KCNMB2: variants seen among roughly 807,000 people sequenced by gnomAD.
KCNMB2 encodes the protein calcium-activated potassium channel subunit beta-2.
In KCNMB2, 9 loss-of-function variants were observed where a neutral mutation model predicts 24.5. That is an observed-to-expected ratio of 0.37 (90% CI 0.22 to 0.64). KCNMB2 has a LOEUF of 0.64. KCNMB2 is among the 30% of genes least tolerant of loss of function. KCNMB2 has a pLI of 0.63. For synonymous variants in KCNMB2, 109 were observed against 104.4 expected (o/e 1.04, Z -0.27); for missense variants, 226 against 284.3 (o/e 0.79, Z 1.47).
chr3:178,735,027 G>A (rs1723272127), intron 1 of KCNMB2, among the ~76,000 whole-genome samples: 1 of 152,202 alleles, frequency 6.6e-6, no homozygotes, highest in African/African-American at 2.4e-5. Context: ...ATAAGACTAG[G>A]GAGTCAGATT....
At chr3:178,837,973 A>G (rs1320740119) in intron 4 of KCNMB2, among the ~76,000 whole-genome samples, 1 of 152,210 alleles carries the variant, frequency 6.6e-6, no homozygotes, top group East Asian at 1.9e-4. Flanking sequence ...TCATTTCAAT[A>G]ACTTAGCACT....
At chr3:178,645,688 A>G (rs779904508) in intron 1 of KCNMB2, among the ~76,000 whole-genome samples, 19 of 152,178 alleles carry the variant, frequency 1.2e-4, no homozygotes, top group Middle Eastern at 3.4e-3. Flanking sequence ...CTGCCAACCC[A>G]GCCACAGAGC....
At chr3:178,626,148 G>A (rs1355371153) in intron 1 of KCNMB2, among the ~76,000 whole-genome samples, 4 of 152,154 alleles carry the variant, frequency 2.6e-5, no homozygotes, top group Non-Finnish European at 1.5e-5. Context: ...TCTATCGTTG[G>A]CATTGCTCCC....
intron 2 of KCNMB2, among the ~76,000 whole-genome samples, chr3:178,823,684 CA>C (rs1714722002): frequency 6.6e-6 from 1 of 152,118 alleles, no homozygotes; most frequent in South Asian, 2.1e-4. Context: ...CCAATCAGAA[CA>C]GATACTGGCC....
chr3:178,712,894 C>T (rs1173215515), intron 1 of KCNMB2, among the ~76,000 whole-genome samples: 1 of 152,150 alleles, frequency 6.6e-6, no homozygotes, highest in Non-Finnish European at 1.5e-5. Flanking sequence ...AGGTATTACA[C>T]ATCACCATTT....
chr3:178,593,269 C>T (rs1415665347), intron 1 of KCNMB2, among the ~76,000 whole-genome samples: 69 of 151,838 alleles, frequency 4.5e-4, no homozygotes, highest in Non-Finnish European at 5.9e-5. Context: ...GAAAATGATA[C>T]CAGAAATGAA....
intron 1 of KCNMB2, among the ~76,000 whole-genome samples, chr3:178,692,625 C>T (rs959460221): frequency 7.2e-5 from 11 of 152,134 alleles, no homozygotes; most frequent in African/African-American, 2.4e-4. Flanking sequence ...GTGTCAGTAC[C>T]ATGCTGTTTT....
At chr3:178,775,475 T>C (rs1712543216) in intron 1 of KCNMB2, among the ~76,000 whole-genome samples, 1 of 152,216 alleles carries the variant, frequency 6.6e-6, no homozygotes, top group Non-Finnish European at 1.5e-5. Context: ...CTAGATAAAA[T>C]CGAATTTTAA....
chr3:178,755,280 CAT>C (rs1723992806), intron 1 of KCNMB2, among the ~76,000 whole-genome samples: 1 of 152,194 alleles, frequency 6.6e-6, no homozygotes, highest in Non-Finnish European at 1.5e-5. Context: ...TGAGAAAAAT[CAT>C]AGTGAGAACT....
At chr3:178,552,230 A>AT (rs1715980046) in intron 1 of KCNMB2, among the ~76,000 whole-genome samples, 4 of 152,098 alleles carry the variant, frequency 2.6e-5, no homozygotes, top group African/African-American at 7.2e-5. Context: ...ATGTAACAGC[A>AT]CTCCCACCAC....
chr3:178,608,234 C>T (rs1051512471), intron 1 of KCNMB2, among the ~76,000 whole-genome samples: 2 of 152,156 alleles, frequency 1.3e-5, no homozygotes, highest in Non-Finnish European at 2.9e-5. Flanking sequence ...AACAAGGATG[C>T]AAGAGCATTT....
At chr3:178,751,622 A>G (rs1249124475) in intron 1 of KCNMB2, among the ~76,000 whole-genome samples, 2 of 147,416 alleles carry the variant, frequency 1.4e-5, no homozygotes, top group African/African-American at 5.0e-5. Flanking sequence ...ACAAGACACT[A>G]CTGAGTAGAT....
At chr3:178,758,449 C>A in intron 1 of KCNMB2, among the ~76,000 whole-genome samples, 1 of 59,194 alleles carries the variant, frequency 1.7e-5, no homozygotes, top group Non-Finnish European at 3.1e-5. Context: ...TATACACACA[C>A]AAGAGGTGAT....
At chr3:178,678,231 A>G (rs1475382156) in intron 1 of KCNMB2, among the ~76,000 whole-genome samples, 1 of 152,160 alleles carries the variant, frequency 6.6e-6, no homozygotes, top group Non-Finnish European at 1.5e-5. Context: ...AGAGGAAAAA[A>G]CAAAAATGGA....
chr3:178,579,711 T>C (rs1460989727), intron 1 of KCNMB2, among the ~76,000 whole-genome samples: 1 of 152,102 alleles, frequency 6.6e-6, no homozygotes, highest in African/African-American at 2.4e-5. Context: ...ACCATAGAAA[T>C]ACAAACTACC....
intron 1 of KCNMB2, among the ~76,000 whole-genome samples, chr3:178,681,244 T>C (rs1364897741): frequency 2.1e-5 from 3 of 141,466 alleles, no homozygotes; most frequent in South Asian, 4.7e-4. Flanking sequence ...AACCTGGAGC[T>C]GCAGTTTTCT....
intron 1 of KCNMB2, among the ~76,000 whole-genome samples, chr3:178,679,145 G>A (rs1721180204): frequency 6.6e-6 from 1 of 150,900 alleles, no homozygotes; most frequent in African/African-American, 2.4e-5. Flanking sequence ...TTTTTTATTT[G>A]TTGACTGGGT....
chr3:178,680,076 C>T (rs1245609434), intron 1 of KCNMB2, among the ~76,000 whole-genome samples: 1 of 151,982 alleles, frequency 6.6e-6, no homozygotes, highest in African/African-American at 2.4e-5. Context: ...TTCTGGAGAC[C>T]CCAAGGAGCT....
chr3:178,762,775 A>G (rs1473801619), intron 1 of KCNMB2, among the ~76,000 whole-genome samples: 2 of 152,264 alleles, frequency 1.3e-5, no homozygotes, highest in South Asian at 2.1e-4. Flanking sequence ...GATGAAATAG[A>G]AAAAGAAATT....
Sources: allele counts gnomAD v4.1 joint callset (sites outside exome capture counted in the v4.1 genomes callset), GRCh38; gene constraint gnomAD v4.1.1; transcripts MANE v1.5; gene names NCBI Gene and HGNC (gene_info 2026-07-23, HGNC 2026-07-21).